The following CTR9 variants were observed in gnomAD, a reference collection of about 807,000 sequenced individuals.
CTR9 encodes the protein CTR9 component of Paf1/RNA polymerase II complex.
Under a neutral mutation model 152.1 loss-of-function variants are expected in CTR9, and 41 were observed. That is an observed-to-expected ratio of 0.27 (90% confidence interval 0.21 to 0.35). The LOEUF is 0.35. Ranked by LOEUF, CTR9 falls within the 10% of genes least tolerant of loss-of-function variation. The pLI is 1.00. For missense variants in CTR9, 917 were observed against 1,424.4 expected, an observed-to-expected ratio of 0.64 and a Z score of 5.73; for synonymous variants, 476 against 496.2, an observed-to-expected ratio of 0.96 and a Z score of 0.54.
chr11:10,761,455 G>A (rs1862976376), intron 6 of CTR9, among the ~76,000 whole-genome samples: 1 of 151,554 alleles, frequency 6.6e-6, no homozygotes, highest in Admixed American at 6.6e-5. Flanking sequence ...AAAACCAAAG[G>A]TGGTAGAGGC....
rs371266674 is a variant in CTR9, at chr11:10,768,213, C to T, written c.1960+52C>T. The stretch of plus-strand genomic sequence containing the variant: ...ACAATTTGTTTCAAATGAATACTTT[C>T]AGAGGAATGTTTGTAAATCAGAATT... On this transcript the variant is annotated intron_variant, in intron 15 of 24. Transcript: ENST00000361367. The T allele has an allele frequency of 9.5e-6, 15 of 1,577,392 alleles. No individual in the cohort carries two copies. In the African/African-American group the frequency reaches 1.9e-4, roughly 20 times the overall value.
intron 4 of CTR9, among the ~76,000 whole-genome samples, chr11:10,756,211 A>G (rs1862881987): frequency 6.6e-6 from 1 of 152,244 alleles, no homozygotes; most frequent in Non-Finnish European, 1.5e-5. Context: ...AACAATCTCT[A>G]CTTAGACAAC....
intron 12 of CTR9, among the ~76,000 whole-genome samples, chr11:10,764,964 T>G (rs917585988): frequency 6.6e-6 from 1 of 152,238 alleles, no homozygotes; most frequent in Non-Finnish European, 1.5e-5. Flanking sequence ...CTAGGTTATC[T>G]TCAGTGGGTC....
chr11:10,759,618 G>C (rs186733732), intron 5 of CTR9, among the ~76,000 whole-genome samples: 1 of 152,154 alleles, frequency 6.6e-6, no homozygotes, highest in African/African-American at 2.4e-5. Context: ...GTGTAGATGA[G>C]AATGAATGAT....
Position 10,773,236 on chromosome 11 carries a change from C to T in CTR9, c.2690C>T (p.Ala897Val), listed in dbSNP as rs763337986. The T allele has an allele frequency of 6.2e-7, 1 of 1,613,056 alleles. No homozygotes were observed. The highest frequency in any genetic ancestry group is 2.2e-5 in the East Asian group (1 of 44,840). Residue 897 changes from alanine to valine, a missense_variant, in exon 21 of 25, where the codon GCA (alanine) becomes GTA (valine). Around this residue, in one of 9 missense-constraint regions of CTR9, gnomAD observed 384 missense variants for 398.4 expected, o/e 0.96. Transcript: ENST00000361367. ...NILMFTGETEATKEKKRGGGG... is the reference protein window; with the variant it reads ...NILMFTGETEVTKEKKRGGGG... ...CTTATGTTTACTGGTGAGACTGAAG[C>T]AACAAAAGAGAAGAAAAGAGGTGGT...
At chr11:10,768,320 T>C (rs200157917) in intron 15 of CTR9, 23 bp from the exon 16 acceptor site, 3 of 1,604,962 alleles carry the variant, frequency 1.9e-6, no homozygotes, top group East Asian at 2.2e-5. Context: ...AATTGTTAAG[T>C]GTGAACCTTT....
rs1371553096 is a variant in CTR9 at position 10,775,787 on chromosome 11, A to G, written c.3095+154A>G. Among the ~76,000 whole-genome samples, 6 of 152,234 alleles carry G rather than the reference A, an allele frequency of 3.9e-5. No individual in the cohort carries two copies. In the East Asian group the frequency reaches 1.2e-3, roughly 29 times the overall value. ...GGGACAGACTTGAAAATTGGAGGAA[A>G]TAGATAACTGGGAGTGTTGCTGTGC... On this transcript the variant is annotated intron_variant, in intron 24 of 24. Coordinates refer to ENST00000361367, the MANE Select transcript of CTR9 (RefSeq NM_014633.5).
At chr11:10,769,737 A>G (rs1009889807) in intron 16 of CTR9, among the ~76,000 whole-genome samples, 2 of 152,236 alleles carry the variant, frequency 1.3e-5, no homozygotes, top group Non-Finnish European at 2.9e-5. Context: ...CACAATTAAC[A>G]CTAGTATTGT....
chr11:10,775,172 C>T (rs1344822870), intron 22 of CTR9, 35 bp from the exon 23 acceptor site: 3 of 1,550,942 alleles, frequency 1.9e-6, no homozygotes, highest in East Asian at 2.2e-5. Flanking sequence ...TAGGTAGGCT[C>T]TTGACAAACT....
chr11:10,751,908 C>G (rs908395101), intron 1 of CTR9, among the ~76,000 whole-genome samples: 2 of 152,056 alleles, frequency 1.3e-5, no homozygotes, highest in Non-Finnish European at 2.9e-5. Flanking sequence ...TCGAGTCTGT[C>G]ATGGTGCGCT....
intron 6 of CTR9, among the ~76,000 whole-genome samples, chr11:10,761,436 C>T (rs897324000): frequency 6.6e-6 from 1 of 151,748 alleles, no homozygotes; most frequent in South Asian, 2.1e-4. Context: ...GAAAACAGCT[C>T]GGATCAATAA....
chr11:10,777,827 A>T (rs1014939448), intron 24 of CTR9, among the ~76,000 whole-genome samples: 1 of 152,090 alleles, frequency 6.6e-6, no homozygotes, highest in African/African-American at 2.4e-5. Context: ...CCTAGACCGA[A>T]CTCTGTGGGA....
chr11:10,762,486 G>C (rs1317494306), intron 7 of CTR9, among the ~76,000 whole-genome samples: 1 of 152,210 alleles, frequency 6.6e-6, no homozygotes, highest in Non-Finnish European at 1.5e-5. Flanking sequence ...GGTCACTAGA[G>C]AGTTGAAAAG....
chr11:10,767,983 C>T lies in CTR9; in HGVS notation c.1864C>T (p.Arg622Ter), dbSNP rs1314433915. 1.2e-6 allele frequency: 2 copies of T among 1,613,608 alleles called. No homozygotes were observed. Among genetic ancestry groups the T allele is most frequent in the Non-Finnish European group, 1.7e-6 (2 of 1,179,780 alleles). ...AACTTTACATCAGCCCACCCGAGAT[C>T]GAGAAAAGGTAATCTCTTTTTGTCC... ...LQTLHQPTRD[R>*]EKEKRHQDRA... Residue 622 changes from arginine (R) to a stop codon, truncating the protein, a stop_gained, in exon 14 of 25, where the codon CGA becomes TGA. Coordinates refer to ENST00000361367, the MANE Select transcript of CTR9 (RefSeq NM_014633.5). LOFTEE classifies it high-confidence loss of function. The surrounding 1 kb of genome is among the most constrained non-coding windows in gnomAD (Gnocchi z 4.0).
chr11:10,751,722 A>G (rs1290500369), intron 1 of CTR9, among the ~76,000 whole-genome samples: 2 of 151,936 alleles, frequency 1.3e-5, no homozygotes, highest in Non-Finnish European at 2.9e-5. Context: ...ACAGTGCGCT[A>G]CTCTTTTCCT....
chr11:10,763,865 C>T lies in CTR9; in HGVS notation c.1180C>T (p.Arg394Ter), dbSNP rs1181045016. 1.9e-6 allele frequency: 3 copies of T among 1,603,936 alleles called. No individual in the cohort carries two copies. The highest frequency in any genetic ancestry group is 1.7e-5 in the Admixed American group (1 of 57,672). ...TGCTGCCTCAGAAGATCAAGAAAAA[C>T]GAGATATTGCCAAGGTACATCTTTT... is the stretch of plus-strand genomic sequence containing the variant. ...LYAASEDQEK[R>*]DIAKGHLKKV... is the part of the protein sequence containing the mutation. Residue 394 changes from arginine (R) to a stop codon, truncating the protein, a stop_gained, in exon 9 of 25, where the codon CGA becomes TGA. Transcript: ENST00000361367. LOFTEE classifies it high-confidence loss of function.
intron 1 of CTR9, among the ~76,000 whole-genome samples, chr11:10,752,095 A>T (rs1014713200): frequency 2.0e-5 from 3 of 151,474 alleles, no homozygotes; most frequent in African/African-American, 4.9e-5. Flanking sequence ...TTTTATTTTT[A>T]TTTTTTTTGT....
chr11:10,776,227 A>G (rs1377423446), intron 24 of CTR9, among the ~76,000 whole-genome samples: 2 of 152,200 alleles, frequency 1.3e-5, no homozygotes, highest in African/African-American at 4.8e-5. Context: ...CTGGGATTAC[A>G]GGCATGTGCC....
Position 10,764,538 on chromosome 11 carries a change from T to G in CTR9, c.1414-10T>G, listed in dbSNP as rs749444552. 1 of 1,603,642 alleles carries G rather than the reference T, an allele frequency of 6.2e-7. No individual in the cohort carries two copies. Among genetic ancestry groups the G allele is most frequent in the Non-Finnish European group, 8.5e-7 (1 of 1,172,508 alleles). ...AAATCTTTTAACAGTGTGATTTTTC[T>G]TTCTCATAGAAATATTTTTTGGCGT... On this transcript the variant is annotated splice_polypyrimidine_tract_variant and intron_variant, in intron 11 of 24. Coordinates refer to ENST00000361367, the MANE Select transcript of CTR9 (RefSeq NM_014633.5).
Sources: allele counts gnomAD v4.1 joint callset (sites outside exome capture counted in the v4.1 genomes callset), GRCh38; gene constraint gnomAD v4.1.1; regional missense constraint gnomAD v4.1.1; non-coding constraint Gnocchi (gnomAD v3.1); transcripts MANE v1.5; gene names NCBI Gene and HGNC (gene_info 2026-07-23, HGNC 2026-07-21).